The following MYO5A variants were observed in gnomAD, a reference collection of about 807,000 sequenced individuals.
The protein encoded by MYO5A is unconventional myosin-Va.
Under a neutral mutation model 249.7 loss-of-function variants are expected in MYO5A, and 98 were observed. The ratio of observed to expected loss-of-function variants is 0.39; its 90% confidence interval spans 0.33 to 0.46. MYO5A has a LOEUF of 0.46. MYO5A is among the 20% of genes least tolerant of loss of function. The pLI is 0.98. For synonymous variants in MYO5A, 778 were observed against 810.6 expected (o/e 0.96, Z 0.68); for missense variants, 1,696 against 2,308.8 (o/e 0.73, Z 5.44).
At chr15:52,323,586 G>T (rs967807435) in intron 36 of MYO5A, 142 bp from the exon 37 acceptor site, 8 of 648,112 alleles carry the variant, frequency 1.2e-5, no homozygotes, top group Admixed American at 1.2e-4. Flanking sequence ...CAGTTGTGAA[G>T]TCTTATGTCA....
intron 5 of MYO5A, among the ~76,000 whole-genome samples, chr15:52,411,034 G>A (rs927765087): frequency 4.7e-4 from 72 of 152,162 alleles, no homozygotes; most frequent in African/African-American, 1.3e-3. Context: ...GAACTCAGAG[G>A]TTAGAATATT....
At chr15:52,476,979 G>A (rs1008939119) in intron 1 of MYO5A, among the ~76,000 whole-genome samples, 1 of 152,220 alleles carries the variant, frequency 6.6e-6, no homozygotes, top group African/African-American at 2.4e-5. Context: ...ATAATAACCT[G>A]AAGAGTGTTT....
Position 52,367,134 on chromosome 15 carries a change from G to A in MYO5A, c.3067-10C>T. On this transcript the variant is annotated splice_polypyrimidine_tract_variant and intron_variant, in intron 22 of 41. Coordinates refer to ENST00000399233, the MANE Select transcript of MYO5A (RefSeq NM_001382347.1). Reference sequence around the variant, plus strand: ...TCAGATTTGATACCAGCTACGAAATGAAACAATAAACTGAGATGGTTGCAA... The same window carrying A: ...TCAGATTTGATACCAGCTACGAAATAAAACAATAAACTGAGATGGTTGCAA... 1 of 1,609,080 alleles carries A rather than the reference G, an allele frequency of 6.2e-7. No individual in the cohort carries two copies. Among genetic ancestry groups the A allele is most frequent in the Non-Finnish European group, 8.5e-7 (1 of 1,176,084 alleles).
chr15:52,351,239 T>C lies in MYO5A; in HGVS notation c.3849+15A>G, dbSNP rs975938096. 5 of 1,608,782 alleles carry C rather than the reference T, an allele frequency of 3.1e-6. No individual in the cohort carries two copies. The highest frequency in any genetic ancestry group is 1.1e-5 in the South Asian group (1 of 90,762). Reference sequence around the variant, plus strand: ...AGTCCCCGAACACCCAGTTTAATTGTGTGCTTGCGCTTACCTTGGGTTGGA... The same window carrying C: ...AGTCCCCGAACACCCAGTTTAATTGCGTGCTTGCGCTTACCTTGGGTTGGA... On this transcript the variant is annotated intron_variant, in intron 28 of 41. Coordinates refer to ENST00000399233, the MANE Select transcript of MYO5A (RefSeq NM_001382347.1).
chr15:52,430,137 A>C (rs913221781), intron 2 of MYO5A, among the ~76,000 whole-genome samples: 9 of 152,356 alleles, frequency 5.9e-5, no homozygotes, highest in African/African-American at 2.2e-4. Flanking sequence ...AAAGGAGAGA[A>C]AAATTAACAA....
intron 34 of MYO5A, among the ~76,000 whole-genome samples, chr15:52,334,455 G>C (rs1344133301): frequency 1.3e-5 from 2 of 152,200 alleles, no homozygotes; most frequent in Admixed American, 1.3e-4. Flanking sequence ...TAGCTCATGT[G>C]TGTGTGAGTG....
At chr15:52,320,062 G>T (rs542817810) in intron 38 of MYO5A, among the ~76,000 whole-genome samples, 5 of 152,256 alleles carry the variant, frequency 3.3e-5, no homozygotes, top group Non-Finnish European at 5.9e-5. Context: ...AGAAAACGTG[G>T]GAGAGGGGAG....
intron 38 of MYO5A, 94 bp from the exon 39 acceptor site, chr15:52,319,436 T>C: frequency 7.2e-7 from 1 of 1,390,422 alleles, no homozygotes; most frequent in Non-Finnish European, 1.0e-6. Context: ...ACATTCAACT[T>C]AGGAAAATTA....
At chr15:52,428,247 A>T in intron 3 of MYO5A, 151 bp downstream of exon 3, 2 of 811,972 alleles carry the variant, frequency 2.5e-6, no homozygotes, top group Non-Finnish European at 4.0e-6. Context: ...GCATAAATGC[A>T]ACTTGGTAAA....
chr15:52,430,431 C>T (rs926169986), intron 2 of MYO5A, among the ~76,000 whole-genome samples: 1 of 152,154 alleles, frequency 6.6e-6, no homozygotes, highest in Admixed American at 6.5e-5. Flanking sequence ...AAATTTCCTT[C>T]TTGGAGTTAG....
At chr15:52,481,119 T>C (rs1291269056) in intron 1 of MYO5A, among the ~76,000 whole-genome samples, 1 of 152,190 alleles carries the variant, frequency 6.6e-6, no homozygotes, top group Non-Finnish European at 1.5e-5. Context: ...ACTAGCATTA[T>C]TAGGTGCAAG....
At chr15:52,358,631 A>C (rs2040364929) in intron 25 of MYO5A, among the ~76,000 whole-genome samples, 1 of 152,078 alleles carries the variant, frequency 6.6e-6, no homozygotes. Context: ...GAACCCACCT[A>C]CCTGCTGCTG....
At chr15:52,365,828 C>G (rs957524583) in intron 23 of MYO5A, among the ~76,000 whole-genome samples, 1 of 152,238 alleles carries the variant, frequency 6.6e-6, no homozygotes, top group Non-Finnish European at 1.5e-5. Flanking sequence ...ACTGTCATTT[C>G]TTTGTTCTTA....
chr15:52,476,544 C>A (rs1426563237), intron 1 of MYO5A, among the ~76,000 whole-genome samples: 1 of 152,096 alleles, frequency 6.6e-6, no homozygotes, highest in African/African-American at 2.4e-5. Context: ...TTGTTCCTTT[C>A]CATGTTTAAT....
intron 1 of MYO5A, among the ~76,000 whole-genome samples, chr15:52,514,079 A>C (rs1055379577): frequency 7.9e-5 from 12 of 152,248 alleles, no homozygotes; most frequent in Admixed American, 3.9e-4. Flanking sequence ...AGATGATTTG[A>C]ATGATCTGAT....
chr15:52,420,973 T>C (rs941533084), intron 4 of MYO5A, among the ~76,000 whole-genome samples: 1 of 152,156 alleles, frequency 6.6e-6, no homozygotes, highest in African/African-American at 2.4e-5. Flanking sequence ...TGTAAAGCAG[T>C]GGTGATCTGC....
chr15:52,435,018 C>G (rs1228210691), intron 1 of MYO5A, among the ~76,000 whole-genome samples: 1 of 152,192 alleles, frequency 6.6e-6, no homozygotes, highest in Admixed American at 6.5e-5. Flanking sequence ...TATGGGGCAA[C>G]TTCCCAAAGA....
At chr15:52,337,661 T>C (rs2039180382) in intron 33 of MYO5A, 149 bp downstream of exon 33, 2 of 560,986 alleles carry the variant, frequency 3.6e-6, no homozygotes, top group Non-Finnish European at 6.4e-6. Flanking sequence ...GTGACACCAC[T>C]GGCTAAAAGA....
At chr15:52,320,501 C>T (rs1394512758) in intron 38 of MYO5A, among the ~76,000 whole-genome samples, 1 of 152,122 alleles carries the variant, frequency 6.6e-6, no homozygotes, top group African/African-American at 2.4e-5. Flanking sequence ...TAAATTTTTG[C>T]CAACCTAGGG....
Sources: gnomAD v4.1 joint callset for allele counts (sites outside exome capture counted in the v4.1 genomes callset) on GRCh38, gnomAD v4.1.1 for gene constraint, MANE v1.5 for transcripts, NCBI Gene and HGNC (gene_info 2026-07-23, HGNC 2026-07-21) for gene names.